Variants in MSH3 observed in about 807,000 individuals in gnomAD.
MSH3 encodes mutS homolog 3.
MSH3 carries 106 observed loss-of-function variants against 123.3 expected under a neutral mutation model. That is an observed-to-expected ratio of 0.86 (90% CI 0.73 to 1.01). The LOEUF (loss-of-function observed/expected upper bound fraction) is 1.01. MSH3 is among the 50% of genes least tolerant of loss of function. MSH3 has a pLI of 0.00. For missense variants in MSH3, 1,459 were observed against 1,347.6 expected, an observed-to-expected ratio of 1.08 and a Z score of -1.29; for synonymous variants, 515 against 481.4, an observed-to-expected ratio of 1.07 and a Z score of -0.91.
intron 22 of MSH3, among the ~76,000 whole-genome samples, chr5:80,870,169 C>A (rs917784636): frequency 3.2e-5 from 3 of 95,054 alleles, no homozygotes; most frequent in African/African-American, 1.3e-4. Flanking sequence ...AGCGAAACTC[C>A]GTCTCAAAAA....
intron 10 of MSH3, among the ~76,000 whole-genome samples, chr5:80,731,890 C>G (rs1486817200): frequency 6.6e-6 from 1 of 152,084 alleles, no homozygotes; most frequent in Non-Finnish European, 1.5e-5. Flanking sequence ...GCTATGTTAT[C>G]AAGGGGAAAA....
At chr5:80,670,005 GTTAGCTTTTTGCCAGA>G in intron 3 of MSH3, 76 bp from the exon 4 acceptor site, 1 of 1,185,144 alleles carries the variant, frequency 8.4e-7, no homozygotes, top group Non-Finnish European at 1.2e-6. Context: ...TTCACTAAGT[GTTAGCTTTTTGCCAGA>G]TTTGCATTTT....
intron 21 of MSH3, among the ~76,000 whole-genome samples, chr5:80,861,685 G>T (rs1265182182): frequency 2.0e-5 from 3 of 152,122 alleles, no homozygotes; most frequent in African/African-American, 4.8e-5. Flanking sequence ...CCCATGACTC[G>T]GTTCCCCTGC....
At chr5:80,725,344 T>C in intron 8 of MSH3, 109 bp from the exon 9 acceptor site, 1 of 736,724 alleles carries the variant, frequency 1.4e-6, no homozygotes, top group Non-Finnish European at 2.3e-6. Context: ...TGGGAAAGAA[T>C]AAGGAATAAA....
At chr5:80,716,215 A>T (rs977446420) in intron 8 of MSH3, among the ~76,000 whole-genome samples, 5 of 152,218 alleles carry the variant, frequency 3.3e-5, no homozygotes, top group Non-Finnish European at 4.4e-5. Context: ...AAAAAATGCT[A>T]GTTTTCCCTA....
At chr5:80,795,060 T>G (rs999744013) in intron 19 of MSH3, among the ~76,000 whole-genome samples, 2 of 152,022 alleles carry the variant, frequency 1.3e-5, no homozygotes, top group Non-Finnish European at 2.9e-5. Context: ...GTGAAAGAAT[T>G]GAGATGTAGG....
chr5:80,806,214 T>C (rs1246403816), intron 19 of MSH3, among the ~76,000 whole-genome samples: 1 of 152,188 alleles, frequency 6.6e-6, no homozygotes, highest in Non-Finnish European at 1.5e-5. Context: ...TTCTCCTGCC[T>C]CAGCCTCCCA....
intron 9 of MSH3, among the ~76,000 whole-genome samples, chr5:80,726,847 C>T (rs1743310278): frequency 6.6e-6 from 1 of 152,158 alleles, no homozygotes; most frequent in Non-Finnish European, 1.5e-5. Flanking sequence ...CCTGATAAAT[C>T]TTAAGACTAC....
chr5:80,859,712 C>CTTTTTTTTTT (rs373044585), intron 21 of MSH3, among the ~76,000 whole-genome samples: 2 of 130,142 alleles, frequency 1.5e-5, no homozygotes, highest in African/African-American at 5.8e-5. Context: ...CATTTTCTCT[C>CTTTTTTTTTT]TTTTTTTTTT....
rs532072867 is a variant in MSH3, at chr5:80,774,395, T to G, written c.2254-1299T>G. Among the ~76,000 whole-genome samples the G allele has an allele frequency of 1.8e-3, 252 of 143,598 alleles. 1 individual carries two copies. Among genetic ancestry groups the G allele is most frequent in the African/African-American group, 6.6e-3 (246 of 37,474 alleles). The allele number at this position is 143,598 out of a possible 152,430, so 94.2% of individuals were successfully genotyped here. On this transcript the variant is annotated intron_variant, in intron 15 of 23. Coordinates refer to ENST00000265081, the MANE Select transcript of MSH3 (RefSeq NM_002439.5). ...ACCACTACCACTGTGGAGAACAGTT[T>G]GGAGGTCCCTCAAAAAAAAAAAAAA... is the stretch of plus-strand genomic sequence containing the variant.
chr5:80,768,535 G>A (rs1257131163), intron 14 of MSH3, among the ~76,000 whole-genome samples: 5 of 152,128 alleles, frequency 3.3e-5, no homozygotes, highest in African/African-American at 7.2e-5. Context: ...AACATTCTAT[G>A]TAAATGAAAT....
intron 21 of MSH3, among the ~76,000 whole-genome samples, chr5:80,864,082 T>C (rs567502561): frequency 6.6e-6 from 1 of 152,298 alleles, no homozygotes; most frequent in African/African-American, 2.4e-5. Context: ...TAAATATTTT[T>C]TCCTTGTCTC....
chr5:80,693,651 A>G (rs1750400290), intron 8 of MSH3, among the ~76,000 whole-genome samples: 2 of 150,012 alleles, frequency 1.3e-5, no homozygotes, highest in East Asian at 2.0e-4. Flanking sequence ...ACACACACAA[A>G]CACATATATA....
chr5:80,718,954 T>C (rs1333826427), intron 8 of MSH3, among the ~76,000 whole-genome samples: 3 of 152,204 alleles, frequency 2.0e-5, no homozygotes, highest in Non-Finnish European at 2.9e-5. Flanking sequence ...GTGTAACAAG[T>C]TAGTCTAGGA....
intron 19 of MSH3, among the ~76,000 whole-genome samples, chr5:80,799,417 C>A (rs180953342): frequency 6.7e-6 from 1 of 148,788 alleles, no homozygotes; most frequent in African/African-American, 2.5e-5. Context: ...TTTCAGCAGT[C>A]TGCAGCTGTT....
chr5:80,679,358 T>G (rs1404585009), intron 8 of MSH3, among the ~76,000 whole-genome samples: 1 of 152,088 alleles, frequency 6.6e-6, no homozygotes, highest in African/African-American at 2.4e-5. Context: ...TAAGGTGAGA[T>G]CTCATATCTA....
chr5:80,783,529 A>G (rs1296539792), intron 17 of MSH3, among the ~76,000 whole-genome samples: 1 of 152,166 alleles, frequency 6.6e-6, no homozygotes, highest in Non-Finnish European at 1.5e-5. Context: ...ATTGTTGTTC[A>G]TATCAAAATA....
At chr5:80,751,200 AG>A (rs1221240127) in intron 12 of MSH3, among the ~76,000 whole-genome samples, 1 of 152,212 alleles carries the variant, frequency 6.6e-6, no homozygotes, top group East Asian at 1.9e-4. Flanking sequence ...AGGCATTAAC[AG>A]GGATAAGATA....
At position 80,734,128 on chromosome 5, in the gene MSH3, A is replaced by G. The variant is rs182577537; in HGVS notation, c.1568+5163A>G. Among the ~76,000 whole-genome samples, 351 of 152,342 alleles carry G rather than the reference A, an allele frequency of 2.3e-3. 1 individual carries two copies. Among genetic ancestry groups the G allele is most frequent in the African/African-American group, 8.2e-3 (342 of 41,578 alleles). On this transcript the variant is annotated intron_variant, in intron 10 of 23. Coordinates refer to ENST00000265081, the MANE Select transcript of MSH3 (RefSeq NM_002439.5). ...GAAGATTTTTCAACCATAAAAAGGA[A>G]TGAAGTACAGATACATGTTGCAACA...
Sources: gnomAD v4.1 joint callset for allele counts (sites outside exome capture counted in the v4.1 genomes callset) on GRCh38, gnomAD v4.1.1 for gene constraint, MANE v1.5 for transcripts, NCBI Gene and HGNC (gene_info 2026-07-23, HGNC 2026-07-21) for gene names.